The following TFAP2D variants were observed in gnomAD, a reference collection of about 807,000 sequenced individuals.
The protein encoded by TFAP2D is transcription factor AP-2-delta.
TFAP2D carries 9 observed loss-of-function variants against 43.6 expected under a neutral mutation model. That is an observed-to-expected ratio of 0.21 (90% CI 0.12 to 0.36). The LOEUF (loss-of-function observed/expected upper bound fraction) is 0.36, where lower values mean the gene tolerates loss of function less well. Among genes scored for constraint, TFAP2D ranks in the 10% least tolerant of loss-of-function variants. The probability of loss-of-function intolerance (pLI) is 1.00; values close to 1 mark genes in which losing one functional copy is unlikely to be tolerated. For synonymous variants in TFAP2D, 256 were observed against 224.9 expected (o/e 1.14, Z -1.24); for missense variants, 513 against 561.4 (o/e 0.91, Z 0.87).
intron 5 of TFAP2D, among the ~76,000 whole-genome samples, chr6:50,732,258 T>C (rs778240064): frequency 1.3e-5 from 2 of 152,116 alleles, no homozygotes; most frequent in Admixed American, 1.3e-4. Context: ...TAAACTGAAA[T>C]CTCTCCTTTA....
At chr6:50,766,428 C>T (rs543624863) in intron 7 of TFAP2D, among the ~76,000 whole-genome samples, 4 of 152,080 alleles carry the variant, frequency 2.6e-5, no homozygotes, top group African/African-American at 9.6e-5. Flanking sequence ...AGGGGTTGCA[C>T]TGAATCCATA....
At chr6:50,718,501 T>A (rs896285531) in intron 2 of TFAP2D, among the ~76,000 whole-genome samples, 3 of 152,214 alleles carry the variant, frequency 2.0e-5, no homozygotes, top group Admixed American at 1.3e-4. Context: ...ACTCTTTCCA[T>A]CTTTCCAGCT....
chr6:50,731,116 A>G (rs1768886589), intron 5 of TFAP2D, among the ~76,000 whole-genome samples: 1 of 152,010 alleles, frequency 6.6e-6, no homozygotes, highest in Admixed American at 6.6e-5. Flanking sequence ...AAATATGTGG[A>G]ATCCTAGGAT....
At chr6:50,734,758 G>A (rs569511989) in intron 5 of TFAP2D, among the ~76,000 whole-genome samples, 1 of 152,036 alleles carries the variant, frequency 6.6e-6, no homozygotes, top group Admixed American at 6.6e-5. Context: ...CTCTAGCTTG[G>A]CAGAGTCTTC....
chr6:50,745,141 C>T lies in TFAP2D; in HGVS notation c.918C>T (p.Tyr306=). 6.2e-7 allele frequency: 1 copy of T among 1,613,650 alleles called. No individual in the cohort carries two copies. The highest frequency in any genetic ancestry group is 8.5e-7 in the Non-Finnish European group (1 of 1,179,798). Residue 306 remains tyrosine, a synonymous_variant, in exon 6 of 8, where the codon TAC becomes TAT. Coordinates refer to ENST00000008391, the MANE Select transcript of TFAP2D (RefSeq NM_172238.4). ...TGCACTTGGCTCGGGATTTTGGCTA[C>T]ACTTGTGAAACAGAGTTTCCAGCCA... ...EALHLARDFG[Y]TCETEFPAKA...
At chr6:50,722,717 A>C (rs551234607) in intron 3 of TFAP2D, among the ~76,000 whole-genome samples, 1 of 151,450 alleles carries the variant, frequency 6.6e-6, no homozygotes, top group African/African-American at 2.4e-5. Context: ...GGACCTCAGA[A>C]GTGGGCTAGA....
chr6:50,763,722 T>G (rs1183686654), intron 7 of TFAP2D, among the ~76,000 whole-genome samples: 1 of 152,018 alleles, frequency 6.6e-6, no homozygotes, highest in Non-Finnish European at 1.5e-5. Flanking sequence ...AATCTGAAAA[T>G]TATTATACTA....
intron 7 of TFAP2D, among the ~76,000 whole-genome samples, chr6:50,770,686 T>C (rs1382848001): frequency 1.3e-5 from 2 of 152,104 alleles, no homozygotes; most frequent in Non-Finnish European, 2.9e-5. Context: ...AAACCCCAAA[T>C]CCTTCATTTG....
In TFAP2D at chr6:50,715,473, G is replaced by A; in HGVS notation, c.397G>A (p.Glu133Lys). Residue 133 changes from glutamate to lysine, a missense_variant, in exon 2 of 8, where the codon GAG becomes AAG. Glu to Lys is a moderately conservative substitution (Grantham distance 56, BLOSUM62 1). This residue lies in a region of TFAP2D where 311 missense variants were observed against 316.2 expected (regional missense o/e 0.98). Coordinates refer to ENST00000008391, the MANE Select transcript of TFAP2D (RefSeq NM_172238.4). ...GTCCTGCCTGGACGAGCAGAGGCGG[G>A]AGCTGGGCTGCCTCGATGCCTACCG... is the stretch of plus-strand genomic sequence containing the variant. ...KSSCLDEQRR[E>K]LGCLDAYRRH... The A allele has an allele frequency of 6.2e-7, 1 of 1,613,940 alleles. No individual in the cohort carries two copies. The highest frequency in any genetic ancestry group is 2.2e-5 in the East Asian group (1 of 44,860).
intron 7 of TFAP2D, among the ~76,000 whole-genome samples, chr6:50,759,723 T>C (rs1435598197): frequency 6.6e-6 from 1 of 152,058 alleles, no homozygotes; most frequent in Non-Finnish European, 1.5e-5. Flanking sequence ...TTGGATGTAA[T>C]TGATTGTAGT....
intron 5 of TFAP2D, among the ~76,000 whole-genome samples, chr6:50,736,419 A>C (rs1176987960): frequency 6.6e-6 from 1 of 152,122 alleles, no homozygotes; most frequent in Non-Finnish European, 1.5e-5. Context: ...AATAATTTCT[A>C]TCTAGGAGAC....
At chr6:50,772,403 T>A (rs932830520) in intron 7 of TFAP2D, among the ~76,000 whole-genome samples, 38 of 152,162 alleles carry the variant, frequency 2.5e-4, no homozygotes, top group Non-Finnish European at 5.6e-4. Flanking sequence ...AATATATATA[T>A]AAATAATAAT....
intron 2 of TFAP2D, among the ~76,000 whole-genome samples, chr6:50,716,846 A>C (rs749534101): frequency 1.3e-5 from 2 of 152,206 alleles, no homozygotes; most frequent in Non-Finnish European, 2.9e-5. Flanking sequence ...GTTGCGCACA[A>C]AAAATCTTTC....
chr6:50,763,382 T>G (rs1769394098), intron 7 of TFAP2D, among the ~76,000 whole-genome samples: 2 of 152,108 alleles, frequency 1.3e-5, no homozygotes. Flanking sequence ...AGCTGTGAAT[T>G]TCCCTTACTT....
chr6:50,728,094 C>T (rs1236386312), intron 3 of TFAP2D, among the ~76,000 whole-genome samples: 2 of 152,156 alleles, frequency 1.3e-5, no homozygotes, highest in Admixed American at 6.5e-5. Flanking sequence ...GATTTTGCTA[C>T]TGACAATTAT....
At chr6:50,731,181 G>C (rs985972369) in intron 5 of TFAP2D, among the ~76,000 whole-genome samples, 1 of 151,990 alleles carries the variant, frequency 6.6e-6, no homozygotes, top group African/African-American at 2.4e-5. Flanking sequence ...TATCCCAAAA[G>C]TGCCCGACTT....
At chr6:50,740,378 T>A (rs1298425550) in intron 5 of TFAP2D, among the ~76,000 whole-genome samples, 1 of 152,174 alleles carries the variant, frequency 6.6e-6, no homozygotes, top group East Asian at 1.9e-4. Context: ...TTTTTAGTTG[T>A]GTAAAGTAAT....
In TFAP2D at chr6:50,715,381, A is replaced by T. The variant is rs953696406; in HGVS notation, c.305A>T (p.Tyr102Phe). 1.2e-6 allele frequency: 2 copies of T among 1,614,106 alleles called. No individual in the cohort carries two copies. Among genetic ancestry groups the T allele is most frequent in the African/African-American group, 1.3e-5 (1 of 75,026 alleles). The change falls in exon 2 of 8, where the codon TAC becomes TTC. Residue 102 changes from tyrosine (Y) to phenylalanine (F), a missense_variant. Coordinates refer to ENST00000008391, the MANE Select transcript of TFAP2D (RefSeq NM_172238.4). ...LNSLHHSQQY[Y>F]QQIHHGEPTD... ...TCTCTCCACCACTCGCAACAGTACT[A>T]CCAGCAGATCCACCACGGGGAGCCC...
intron 7 of TFAP2D, 111 bp from the exon 8 acceptor site, chr6:50,772,534 C>A: frequency 4.4e-6 from 4 of 912,762 alleles, no homozygotes; most frequent in South Asian, 1.6e-5. Flanking sequence ...CATTTAGGAA[C>A]ACAATGAATA....
Sources: allele counts gnomAD v4.1 joint callset (sites outside exome capture counted in the v4.1 genomes callset), GRCh38; gene constraint gnomAD v4.1.1; regional missense constraint gnomAD v4.1.1; transcripts MANE v1.5; gene names NCBI Gene and HGNC (gene_info 2026-07-23, HGNC 2026-07-21).